The following EPS15L1 variants were observed in gnomAD, a reference collection of about 807,000 sequenced individuals.
The protein encoded by EPS15L1 is epidermal growth factor receptor pathway substrate 15 like 1, also known as epidermal growth factor receptor substrate 15-like 1.
In EPS15L1, 43 loss-of-function variants were observed where a neutral mutation model predicts 117.1. The observed-to-expected ratio is 0.37, with a 90% confidence interval of 0.29 to 0.47. The LOEUF is 0.47. Among genes scored for constraint, EPS15L1 ranks in the 20% least tolerant of loss-of-function variants. EPS15L1 has a pLI of 0.99. For synonymous variants in EPS15L1, 459 were observed against 470.5 expected (o/e 0.98, Z 0.32); for missense variants, 981 against 1,164.0 (o/e 0.84, Z 2.29).
intron 8 of EPS15L1, among the ~76,000 whole-genome samples, chr19:16,428,405 A>C (rs566470739): frequency 1.2e-4 from 16 of 129,212 alleles, no homozygotes; most frequent in Non-Finnish European, 2.1e-4. Flanking sequence ...AAGAAAGAAA[A>C]GGGAGGGAGG....
At chr19:16,439,293 T>A (rs1461631274) in intron 4 of EPS15L1, among the ~76,000 whole-genome samples, 2 of 151,918 alleles carry the variant, frequency 1.3e-5, no homozygotes, top group Non-Finnish European at 2.9e-5. Flanking sequence ...AGAGAAAAAT[T>A]AATAAATAGT....
At chr19:16,413,706 G>A in intron 13 of EPS15L1, 67 bp downstream of exon 13, 2 of 1,342,820 alleles carry the variant, frequency 1.5e-6, no homozygotes, top group Middle Eastern at 1.8e-4. Context: ...CACCAGCCAG[G>A]GAGGGAAGTT....
intron 1 of EPS15L1, among the ~76,000 whole-genome samples, chr19:16,456,193 C>G (rs2093194308): frequency 6.6e-6 from 1 of 151,154 alleles, no homozygotes. Flanking sequence ...AGAGGAAAAC[C>G]CTGTCTCAAA....
At chr19:16,388,707 G>A (rs2092447122) in intron 19 of EPS15L1, among the ~76,000 whole-genome samples, 1 of 151,954 alleles carries the variant, frequency 6.6e-6, no homozygotes, top group African/African-American at 2.4e-5. Flanking sequence ...GGCGCCTGTA[G>A]TCCCAACTAC....
intron 13 of EPS15L1, chr19:16,412,767 C>A: frequency 2.9e-6 from 1 of 344,302 alleles, no homozygotes; most frequent in Non-Finnish European, 5.5e-6. Flanking sequence ...GTAACTTCCA[C>A]GGAGGTTTCA....
chr19:16,433,469 A>G (rs988867829), intron 7 of EPS15L1, among the ~76,000 whole-genome samples: 2 of 152,124 alleles, frequency 1.3e-5, no homozygotes, highest in African/African-American at 4.8e-5. Context: ...AATTTTTCCT[A>G]AATTTGCAGC....
intron 21 of EPS15L1, among the ~76,000 whole-genome samples, chr19:16,379,886 A>T (rs1448528644): frequency 6.6e-6 from 1 of 151,984 alleles, no homozygotes; most frequent in East Asian, 1.9e-4. Flanking sequence ...AGCCACACCA[A>T]TGCAGCCATC....
chr19:16,367,878 A>C (rs904882768), intron 22 of EPS15L1, among the ~76,000 whole-genome samples: 1 of 152,146 alleles, frequency 6.6e-6, no homozygotes, highest in Non-Finnish European at 1.5e-5. Context: ...CTCTTGGTTT[A>C]AATTTTTTGC....
chr19:16,416,374 G>T (rs1024570997), intron 12 of EPS15L1, among the ~76,000 whole-genome samples: 1 of 152,020 alleles, frequency 6.6e-6, no homozygotes, highest in African/African-American at 2.4e-5. Context: ...AGTGGCTCAC[G>T]CCTGTAATCC....
In EPS15L1 at chr19:16,404,844, C is replaced by T. The variant is rs2092640218; in HGVS notation, c.1267-95G>A. Reference sequence around the variant, plus strand: ...GCCTGGGCCAGAAGTCCAGGGGAAGCCTCCGAAACCACCCACTGTGACCGT... The same window carrying T: ...GCCTGGGCCAGAAGTCCAGGGGAAGTCTCCGAAACCACCCACTGTGACCGT... On this transcript the variant is annotated intron_variant, in intron 13 of 23. Transcript: ENST00000455140. The surrounding 1 kb of genome is among the most constrained non-coding windows in gnomAD (Gnocchi z 4.2). The T allele has an allele frequency of 1.5e-6, 2 of 1,357,726 alleles. No homozygotes were observed. Among genetic ancestry groups the T allele is most frequent in the African/African-American group, 1.4e-5 (1 of 69,768 alleles). The allele number at this position is 1,357,726 out of a possible 1,614,324, so 84.1% of individuals were successfully genotyped here. A position where few individuals can be genotyped will look rare whatever the true frequency, so the allele number is the denominator to read the frequency against.
chr19:16,357,424 C>T (rs1417909354), intron 23 of EPS15L1: 1 of 152,264 alleles, frequency 6.6e-6, no homozygotes, highest in African/African-American at 2.4e-5. Flanking sequence ...AGGAGGGGCT[C>T]GTGGGCCCCA....
rs188238686 is a variant in EPS15L1, at chr19:16,400,207, C to T, written c.1791+2114G>A. On this transcript the variant is annotated intron_variant, in intron 16 of 23. Transcript: ENST00000455140. ...CAAAAATTAGCTGGGCATGGTGGCA[C>T]GTGCCTGTAATCTCTGCTACTCGGG... 1.2e-4 allele frequency among the ~76,000 whole-genome samples: 18 copies of T among 151,954 alleles called. No homozygotes were observed. In the East Asian group the frequency reaches 2.1e-3, roughly 18 times the overall value.
rs781606449 is a variant in EPS15L1 at position 16,442,232 on chromosome 19, C to T, written c.34-13G>A. The stretch of plus-strand genomic sequence containing the variant: ...TTCCAGTGGGAATCTGTAAATGAAA[C>T]CACAGATATTGGTCAAAAGTGAACA... On this transcript the variant is annotated splice_polypyrimidine_tract_variant and intron_variant, in intron 1 of 23. Coordinates refer to ENST00000455140, the MANE Select transcript of EPS15L1 (RefSeq NM_001258374.3). 1 of 1,612,486 alleles carries T rather than the reference C, an allele frequency of 6.2e-7. No homozygotes were observed. The highest frequency in any genetic ancestry group is 2.2e-5 in the East Asian group (1 of 44,872).
intron 23 of EPS15L1, among the ~76,000 whole-genome samples, chr19:16,358,885 C>T (rs1568384354): frequency 1.3e-5 from 2 of 152,194 alleles, no homozygotes; most frequent in Non-Finnish European, 2.9e-5. Flanking sequence ...CCAAAAGAAC[C>T]GTTCCGCTAA....
intron 6 of EPS15L1, 114 bp from the exon 7 acceptor site, chr19:16,434,604 G>T: frequency 9.0e-7 from 1 of 1,107,804 alleles, no homozygotes; most frequent in Non-Finnish European, 1.3e-6. Flanking sequence ...ATCACCCTTG[G>T]CTAAAAGCAC....
intron 1 of EPS15L1, among the ~76,000 whole-genome samples, chr19:16,453,582 A>G (rs966610977): frequency 2.8e-4 from 42 of 152,198 alleles, no homozygotes; most frequent in Middle Eastern, 3.4e-3. Flanking sequence ...GCGTGGTGGC[A>G]GGCGCCTGCA....
rs755870780 is a variant in EPS15L1, at chr19:16,361,774, C to T, written c.2586+5G>A. ...GGTGGCCCGGAGGCGGAGGACTCAA[C>T]TTACAGAGGTGAAGTCTGCAAAGCC... On this transcript the variant is annotated splice_donor_5th_base_variant and intron_variant, in intron 23 of 23. Coordinates refer to ENST00000455140, the MANE Select transcript of EPS15L1 (RefSeq NM_001258374.3). 6.2e-7 allele frequency: 1 copy of T among 1,611,610 alleles called. No homozygotes were observed. Among genetic ancestry groups the T allele is most frequent in the Non-Finnish European group, 8.5e-7 (1 of 1,179,056 alleles).
chr19:16,401,563 A>G, intron 16 of EPS15L1: 1 of 985,692 alleles, frequency 1.0e-6, no homozygotes, highest in Non-Finnish European at 1.2e-6. Flanking sequence ...AACAGCACCA[A>G]GACGAAATGG....
At chr19:16,360,921 G>A (rs947638486) in intron 23 of EPS15L1, among the ~76,000 whole-genome samples, 1 of 152,116 alleles carries the variant, frequency 6.6e-6, no homozygotes, top group African/African-American at 2.4e-5. Flanking sequence ...ACCTAATGAT[G>A]AAGGAACTAA....
Sources: gnomAD v4.1 joint callset for allele counts (sites outside exome capture counted in the v4.1 genomes callset) on GRCh38, gnomAD v4.1.1 for gene constraint, Gnocchi (gnomAD v3.1) non-coding constraint, MANE v1.5 for transcripts, NCBI Gene and HGNC (gene_info 2026-07-23, HGNC 2026-07-21) for gene names.